Variants in PTTG1IP2 observed in about 807,000 individuals in gnomAD.
The protein encoded by PTTG1IP2 is PTTG1IP family member 2.
intron 6 of PTTG1IP2, among the ~76,000 whole-genome samples, chr7:90,502,241 A>G (rs1346965124): frequency 6.6e-6 from 1 of 152,122 alleles, no homozygotes; most frequent in African/African-American, 2.4e-5. Context: ...ACCTCAAATG[A>G]TCCTCAAGTG....
intron 2 of PTTG1IP2, among the ~76,000 whole-genome samples, chr7:90,483,646 C>A (rs1014607813): frequency 1.3e-5 from 2 of 152,150 alleles, no homozygotes; most frequent in African/African-American, 4.8e-5. Flanking sequence ...TCCTTAGCAA[C>A]CTGATTTAGA....
In PTTG1IP2 at chr7:90,487,328, G is replaced by C. The variant is rs9649149; in HGVS notation, c.194G>C (p.Cys65Ser). The C allele has an allele frequency of 0.044, 6,727 of 152,654 alleles. 202 individuals carry two copies. Among genetic ancestry groups the C allele is most frequent in the Middle Eastern group, 0.12 (36 of 294 alleles). The allele number at this position is 152,654 out of a possible 1,614,324, so 9.5% of individuals were successfully genotyped here. A position where few individuals can be genotyped will look rare whatever the true frequency, so the allele number is the denominator to read the frequency against. ...SCQLCTEDKK[C>S]VWCSEEKACK... ...TTATTTTTCTCTTTCCAAATATAGTGTGTTTGGTGTAGTGAAGAAAAAGCA... is the reference window on the plus strand; with the variant it reads ...TTATTTTTCTCTTTCCAAATATAGTCTGTTTGGTGTAGTGAAGAAAAAGCA... The change falls in exon 3 of 7, where the codon TGT becomes TCT. Residue 65 changes from cysteine to serine, a missense_variant and splice_region_variant. Physicochemically the swap from Cys to Ser is moderately radical, Grantham distance 112. Coordinates refer to ENST00000509356, the MANE Select transcript of PTTG1IP2 (RefSeq NM_001365443.2).
chr7:90,497,488 C>T (rs188159679), intron 6 of PTTG1IP2, among the ~76,000 whole-genome samples: 2 of 144,960 alleles, frequency 1.4e-5, no homozygotes, highest in South Asian at 2.2e-4. Flanking sequence ...GGCGTGAACC[C>T]GGGAGGCGGA....
At chr7:90,490,618 A>G (rs186090094) in intron 4 of PTTG1IP2, among the ~76,000 whole-genome samples, 1 of 152,266 alleles carries the variant, frequency 6.6e-6, no homozygotes, top group Non-Finnish European at 1.5e-5. Context: ...AAACATACAC[A>G]TATACACATA....
chr7:90,510,267 A>T (rs1420900939), intron 6 of PTTG1IP2, among the ~76,000 whole-genome samples: 1 of 152,186 alleles, frequency 6.6e-6, no homozygotes, highest in East Asian at 1.9e-4. Flanking sequence ...AGTTTATCAC[A>T]CATATTTACA....
At chr7:90,482,061 T>A (rs1487605015) in intron 2 of PTTG1IP2, among the ~76,000 whole-genome samples, 1 of 152,114 alleles carries the variant, frequency 6.6e-6, no homozygotes, top group Non-Finnish European at 1.5e-5. Context: ...TTCCACATGG[T>A]CAACATAGAA....
intron 1 of PTTG1IP2, among the ~76,000 whole-genome samples, chr7:90,472,321 C>CA (rs1554405950): frequency 2.9e-5 from 4 of 136,270 alleles, no homozygotes; most frequent in African/African-American, 9.2e-5. Context: ...CACACACACA[C>CA]CCCAAATAAT....
At chr7:90,492,864 T>C (rs1038357237) in intron 5 of PTTG1IP2, among the ~76,000 whole-genome samples, 13 of 152,170 alleles carry the variant, frequency 8.5e-5, no homozygotes, top group Admixed American at 7.2e-4. Flanking sequence ...GCTAACCTCC[T>C]ATCCGCTCTC....
Position 90,469,713 on chromosome 7 carries a change from G to A in PTTG1IP2, c.-74G>A, listed in dbSNP as rs370645210. 1.3e-5 allele frequency: 2 copies of A among 152,760 alleles called. No individual in the cohort carries two copies. The highest frequency in any genetic ancestry group is 2.1e-4 in the South Asian group (1 of 4,822). 9.5% of individuals were successfully genotyped at this position (152,760 alleles called of 1,614,324 possible). On this transcript the variant is annotated 5_prime_UTR_variant, in exon 1 of 7. Transcript: ENST00000509356. ...CTGTGGTAGGTCACAGTCTCTGGGC[G>A]GGTCTCAGTGTCCAACACTGTAGCT...
chr7:90,471,569 T>G (rs1396814352), intron 1 of PTTG1IP2, among the ~76,000 whole-genome samples: 2 of 152,130 alleles, frequency 1.3e-5, no homozygotes, highest in Non-Finnish European at 2.9e-5. Flanking sequence ...AGGGGCATAG[T>G]GCAAAAAATA....
At chr7:90,489,122 A>T (rs918174483) in intron 4 of PTTG1IP2, among the ~76,000 whole-genome samples, 158 bp downstream of exon 4, 8 of 151,584 alleles carry the variant, frequency 5.3e-5, no homozygotes, top group Non-Finnish European at 8.9e-5. Flanking sequence ...GGAAATTGTA[A>T]AATGAAAAAA....
chr7:90,508,838 T>C (rs1175089979), intron 6 of PTTG1IP2, among the ~76,000 whole-genome samples: 6 of 152,154 alleles, frequency 3.9e-5, no homozygotes, highest in Non-Finnish European at 7.3e-5. Flanking sequence ...GCGTGGTGAA[T>C]GGTATGTGGA....
chr7:90,483,067 T>C (rs1326566827), intron 2 of PTTG1IP2, among the ~76,000 whole-genome samples: 1 of 152,134 alleles, frequency 6.6e-6, no homozygotes, highest in East Asian at 1.9e-4. Flanking sequence ...TGGTAGGGCA[T>C]GGAGTCTGGG....
At chr7:90,511,076 A>ATT (rs58855206) in intron 6 of PTTG1IP2, among the ~76,000 whole-genome samples, 50 of 147,490 alleles carry the variant, frequency 3.4e-4, no homozygotes, top group Middle Eastern at 3.5e-3. Context: ...CAAGGACAGT[A>ATT]TTTTTTTTTT....
At chr7:90,477,186 A>G (rs1465674194) in intron 1 of PTTG1IP2, among the ~76,000 whole-genome samples, 1 of 152,192 alleles carries the variant, frequency 6.6e-6, no homozygotes, top group African/African-American at 2.4e-5. Flanking sequence ...AACCAGATAG[A>G]AAACATATAT....
chr7:90,481,326 A>G (rs1797813751), intron 2 of PTTG1IP2, among the ~76,000 whole-genome samples: 1 of 152,096 alleles, frequency 6.6e-6, no homozygotes, highest in Non-Finnish European at 1.5e-5. Context: ...CGCAACTCTG[A>G]TTGGTCCTTT....
intron 2 of PTTG1IP2, among the ~76,000 whole-genome samples, chr7:90,483,606 A>G (rs1797837928): frequency 6.6e-6 from 1 of 152,086 alleles, no homozygotes. Context: ...TTATTCTACC[A>G]TTGCTTCCGT....
intron 1 of PTTG1IP2, among the ~76,000 whole-genome samples, chr7:90,478,096 CAAAAAAAAAAAA>C (rs370035849): frequency 1.5e-5 from 1 of 68,060 alleles, no homozygotes; most frequent in African/African-American, 5.2e-5. Context: ...GACTCCGTCT[CAAAAAAAAAAAA>C]AAAAAAAAGA....
At chr7:90,500,515 G>A (rs1452438266) in intron 6 of PTTG1IP2, among the ~76,000 whole-genome samples, 3 of 152,284 alleles carry the variant, frequency 2.0e-5, no homozygotes, top group Non-Finnish European at 4.4e-5. Context: ...AGGCTCCAAC[G>A]CAGAGACTTG....
Sources: allele counts gnomAD v4.1 joint callset (sites outside exome capture counted in the v4.1 genomes callset), GRCh38; gene constraint gnomAD v4.1.1; transcripts MANE v1.5; gene names NCBI Gene and HGNC (gene_info 2026-07-23, HGNC 2026-07-21).